PRKCZ: variants seen among roughly 807,000 people sequenced by gnomAD.
PRKCZ encodes protein kinase C zeta type.
A neutral mutation model predicts 79.5 loss-of-function variants in PRKCZ; 33 were observed. That is an observed-to-expected ratio of 0.41 (90% confidence interval 0.31 to 0.55). The LOEUF (loss-of-function observed/expected upper bound fraction) is 0.55, where lower values mean the gene tolerates loss of function less well. Ranked by LOEUF, PRKCZ falls within the 20% of genes least tolerant of loss-of-function variation. The pLI, the probability that PRKCZ is intolerant of heterozygous loss-of-function variation, is 0.19. For missense variants in PRKCZ, 578 were observed against 813.5 expected, an observed-to-expected ratio of 0.71 and a Z score of 3.52; for synonymous variants, 342 against 320.9, an observed-to-expected ratio of 1.07 and a Z score of -0.70.
At chr1:2,078,484 CT>C (rs1318755648) in intron 4 of PRKCZ, among the ~76,000 whole-genome samples, 2 of 152,170 alleles carry the variant, frequency 1.3e-5, no homozygotes, top group African/African-American at 4.8e-5. Context: ...CTTGTAGAAT[CT>C]TTTGTCTTCA....
chr1:2,122,806 G>T (rs1672639415), intron 4 of PRKCZ, among the ~76,000 whole-genome samples: 1 of 13,178 alleles, frequency 7.6e-5, no homozygotes, highest in Non-Finnish European at 1.3e-4. Flanking sequence ...GGTGGTTAGG[G>T]TCGTGGCGGT....
intron 4 of PRKCZ, among the ~76,000 whole-genome samples, chr1:2,119,334 C>T (rs1220375241): frequency 1.3e-5 from 2 of 151,514 alleles, no homozygotes; most frequent in African/African-American, 4.9e-5. Context: ...GCTGCCTCAG[C>T]CTCCTGAGTA....
intron 5 of PRKCZ, among the ~76,000 whole-genome samples, chr1:2,139,075 G>A (rs1028797781): frequency 5.3e-5 from 8 of 152,178 alleles, no homozygotes; most frequent in African/African-American, 1.9e-4. Flanking sequence ...AAAGGGGTTT[G>A]TAGCACGTAA....
intron 4 of PRKCZ, among the ~76,000 whole-genome samples, chr1:2,123,251 T>G (rs375511023): frequency 1.2e-3 from 1 of 834 alleles, no homozygotes. Context: ...GGTGGTTAGG[T>G]TCATGGTGGT....
intron 4 of PRKCZ, among the ~76,000 whole-genome samples, chr1:2,069,053 C>CA: frequency 6.6e-6 from 1 of 152,340 alleles, no homozygotes; most frequent in South Asian, 2.1e-4. Context: ...GGCCTGGTTC[C>CA]TGCTGGTCAC....
At chr1:2,175,380 T>TCCCAAC (rs1327586034) in intron 16 of PRKCZ, 67 bp downstream of exon 16, 5 of 1,138,012 alleles carry the variant, frequency 4.4e-6, no homozygotes, top group East Asian at 6.3e-5. Context: ...CCAACCCCCA[T>TCCCAAC]CCCAACCCCA....
chr1:2,066,335 CT>C (rs2102277288), intron 4 of PRKCZ, among the ~76,000 whole-genome samples: 1 of 152,188 alleles, frequency 6.6e-6, no homozygotes, highest in African/African-American at 2.4e-5. Context: ...CTGGGCTTTG[CT>C]TTGTTGGGAG....
chr1:2,067,058 C>G (rs1408072524), intron 4 of PRKCZ, among the ~76,000 whole-genome samples: 1 of 152,136 alleles, frequency 6.6e-6, no homozygotes, highest in Non-Finnish European at 1.5e-5. Flanking sequence ...AGTGTTATTT[C>G]CATATATTTG....
At chr1:2,102,712 C>T (rs917907076) in intron 4 of PRKCZ, among the ~76,000 whole-genome samples, 42 of 152,076 alleles carry the variant, frequency 2.8e-4, no homozygotes, top group African/African-American at 9.9e-4. Context: ...CACTTTATTT[C>T]AACTTTGTAG....
chr1:2,102,718 T>C (rs1667706804), intron 4 of PRKCZ, among the ~76,000 whole-genome samples: 1 of 152,134 alleles, frequency 6.6e-6, no homozygotes, highest in Admixed American at 6.6e-5. Context: ...ATTTCAACTT[T>C]GTAGAAAGAG....
chr1:2,145,969 C>T (rs956579619), intron 6 of PRKCZ, 58 bp from the exon 7 acceptor site: 15 of 1,442,998 alleles, frequency 1.0e-5, no homozygotes, highest in Non-Finnish European at 1.5e-5. Flanking sequence ...ACAGAAGCTA[C>T]ATTGTAACAC....
At chr1:2,169,634 T>A in intron 11 of PRKCZ, 30 bp downstream of exon 11, 1 of 1,185,682 alleles carries the variant, frequency 8.4e-7, no homozygotes, top group Non-Finnish European at 1.1e-6. Context: ...GCCGGGTGGG[T>A]GCGCCCGGAG....
At chr1:2,055,369 G>C (rs1040660468) in intron 1 of PRKCZ, 72 bp from the exon 2 acceptor site, 67 of 1,512,582 alleles carry the variant, frequency 4.4e-5, no homozygotes, top group Admixed American at 2.3e-4. Context: ...GATTTGGTTA[G>C]TTGGTAATCA....
intron 7 of PRKCZ, 48 bp from the exon 8 acceptor site, chr1:2,148,824 G>A (rs749177053): frequency 1.7e-5 from 27 of 1,592,358 alleles, no homozygotes; most frequent in South Asian, 1.1e-4. Flanking sequence ...TTCCCAGTGC[G>A]TTCCTGACCA....
chr1:2,149,248 A>G lies in PRKCZ; in HGVS notation c.687+324A>G, dbSNP rs896556694. 2.6e-5 allele frequency among the ~76,000 whole-genome samples: 4 copies of G among 152,210 alleles called. No individual in the cohort carries two copies. The highest frequency in any genetic ancestry group is 2.0e-4 in the Admixed American group (3 of 15,286). ...GGCTTTTGAGCTGCAATTTTTATCA[A>G]GTTGTGTCTGCACCATGCCTTCCGA... is the stretch of plus-strand genomic sequence containing the variant. On this transcript the variant is annotated intron_variant, in intron 8 of 17. Coordinates refer to ENST00000378567, the MANE Select transcript of PRKCZ (RefSeq NM_002744.6). This position sits in a 1 kb window ranked among gnomAD's most constrained non-coding sequence, Gnocchi z 4.1.
chr1:2,092,037 G>T lies in PRKCZ; in HGVS notation c.334+32446G>T, dbSNP rs917981732. ...AAGAATGGCCGTGTCCCCAGGAGCC[G>T]GTGGACGAATCTGTCCTTGCTGCCA... On this transcript the variant is annotated intron_variant, in intron 4 of 17. Coordinates refer to ENST00000378567, the MANE Select transcript of PRKCZ (RefSeq NM_002744.6). 2.6e-5 allele frequency among the ~76,000 whole-genome samples: 4 copies of T among 152,086 alleles called. No individual in the cohort carries two copies. The East Asian group carries it at 5.8e-4, about 22-fold the overall frequency.
intron 4 of PRKCZ, among the ~76,000 whole-genome samples, chr1:2,088,177 C>G (rs1055549701): frequency 2.6e-5 from 4 of 152,174 alleles, no homozygotes; most frequent in African/African-American, 9.7e-5. Flanking sequence ...ACCTACCTGG[C>G]CCAGACTCCG....
chr1:2,119,632 T>TA (rs1344291479), intron 4 of PRKCZ, among the ~76,000 whole-genome samples: 4 of 152,224 alleles, frequency 2.6e-5, no homozygotes, highest in Non-Finnish European at 5.9e-5. Context: ...AGTGTTGTCT[T>TA]AGACAGTGGT....
Position 2,174,126 on chromosome 1 carries a change from C to G in PRKCZ, c.1405+110C>G. The G allele has an allele frequency of 7.4e-7, 1 of 1,347,996 alleles. No homozygotes were observed. The highest frequency in any genetic ancestry group is 9.9e-7 in the Non-Finnish European group (1 of 1,013,170). The allele number at this position is 1,347,996 out of a possible 1,614,324, so 83.5% of individuals were successfully genotyped here. A position where few individuals can be genotyped will look rare whatever the true frequency, so the allele number is the denominator to read the frequency against. ...GGGTGCCTGGAGCGGCAGTGCCATG[C>G]AAAGCGTACCGGGAACCATTCCTCC... On this transcript the variant is annotated intron_variant, in intron 14 of 17. Coordinates refer to ENST00000378567, the MANE Select transcript of PRKCZ (RefSeq NM_002744.6). The surrounding 1 kb of genome is among the most constrained non-coding windows in gnomAD (Gnocchi z 6.2).
Sources: gnomAD v4.1 joint callset for allele counts (sites outside exome capture counted in the v4.1 genomes callset) on GRCh38, gnomAD v4.1.1 for gene constraint, Gnocchi (gnomAD v3.1) non-coding constraint, MANE v1.5 for transcripts, NCBI Gene and HGNC (gene_info 2026-07-23, HGNC 2026-07-21) for gene names.